The following ROR1 variants were observed in gnomAD, a reference collection of about 807,000 sequenced individuals.
ROR1 encodes ROR family WNT receptor 1, also known as inactive tyrosine-protein kinase transmembrane receptor ROR1.
Under a neutral mutation model 78.8 loss-of-function variants are expected in ROR1, and 19 were observed. The observed-to-expected ratio is 0.24, with a 90% CI of 0.17 to 0.35. The LOEUF is 0.35. ROR1 is among the 10% of genes least tolerant of loss of function. The pLI is 1.00. For synonymous variants in ROR1, 386 were observed against 433.6 expected (o/e 0.89, Z 1.36); for missense variants, 917 against 1,177.8 (o/e 0.78, Z 3.24).
intron 1 of ROR1, among the ~76,000 whole-genome samples, chr1:63,856,507 C>T (rs1217684214): frequency 6.6e-6 from 1 of 152,148 alleles, no homozygotes; most frequent in Non-Finnish European, 1.5e-5. Context: ...CTCTGTGGCT[C>T]TTTCTGCAGC....
intron 1 of ROR1, chr1:63,843,227 GC>G: frequency 4.7e-6 from 7 of 1,504,742 alleles, no homozygotes; most frequent in African/African-American, 1.4e-5. Flanking sequence ...TGACCGCACT[GC>G]CCCCCAGCTT....
chr1:63,993,749 A>G (rs1646314754), intron 1 of ROR1, among the ~76,000 whole-genome samples: 1 of 152,096 alleles, frequency 6.6e-6, no homozygotes, highest in Non-Finnish European at 1.5e-5. Flanking sequence ...TTGGATAGCC[A>G]TAATTTATTT....
chr1:64,020,419 A>G (rs1209271191), intron 2 of ROR1, among the ~76,000 whole-genome samples: 1 of 152,242 alleles, frequency 6.6e-6, no homozygotes, highest in Non-Finnish European at 1.5e-5. Flanking sequence ...AGATACAAAA[A>G]TGAAAAAGGC....
chr1:63,838,153 T>C (rs1183795837), intron 1 of ROR1, among the ~76,000 whole-genome samples: 1 of 152,184 alleles, frequency 6.6e-6, no homozygotes, highest in Non-Finnish European at 1.5e-5. Flanking sequence ...TTTGTGATAA[T>C]AGTAAGTATA....
chr1:63,850,382 A>G (rs1557526693), intron 1 of ROR1, among the ~76,000 whole-genome samples: 1 of 152,262 alleles, frequency 6.6e-6, no homozygotes, highest in Non-Finnish European at 1.5e-5. Flanking sequence ...TTTCTAGGCC[A>G]AATACCTAGG....
chr1:64,177,882 A>G lies in ROR1; in HGVS notation c.1841A>G (p.Lys614Arg). 1.9e-6 allele frequency: 3 copies of G among 1,614,212 alleles called. No homozygotes were observed. Among genetic ancestry groups the G allele is most frequent in the South Asian group, 1.1e-5 (1 of 91,084 alleles). Residue 614 changes from lysine to arginine, a missense_variant, in exon 9 of 9, where the codon AAG (lysine) becomes AGG (arginine). Physicochemically the swap from Lys to Arg is conservative, Grantham distance 26. Around this residue, in one of 3 missense-constraint regions of ROR1, gnomAD observed 835 missense variants for 1,069.8 expected, o/e 0.78. Coordinates refer to ENST00000371079, the MANE Select transcript of ROR1 (RefSeq NM_005012.4). ...EYLSSHFFVH[K>R]DLAARNILIG... ...CTGTCTAGTCACTTCTTTGTCCACAAGGACCTTGCAGCTCGCAATATTTTA... is the reference window on the plus strand; with the variant it reads ...CTGTCTAGTCACTTCTTTGTCCACAGGGACCTTGCAGCTCGCAATATTTTA...
intron 4 of ROR1, among the ~76,000 whole-genome samples, chr1:64,135,109 A>T (rs985975967): frequency 2.6e-5 from 4 of 152,034 alleles, no homozygotes; most frequent in Non-Finnish European, 5.9e-5. Flanking sequence ...GTTCTTTTTT[A>T]AAAAATCTGT....
At chr1:64,029,098 T>G (rs1646639492) in intron 2 of ROR1, 1 of 152,156 alleles carries the variant, frequency 6.6e-6, no homozygotes, top group African/African-American at 2.4e-5. Context: ...TTATCGTATA[T>G]TTATATTAAT....
intron 1 of ROR1, among the ~76,000 whole-genome samples, chr1:63,844,326 G>C (rs138608362): frequency 6.6e-6 from 1 of 152,200 alleles, no homozygotes; most frequent in Non-Finnish European, 1.5e-5. Flanking sequence ...TTCTTGCAAT[G>C]TCCTCCAAAC....
chr1:64,059,044 G>A (rs1334254863), intron 4 of ROR1, among the ~76,000 whole-genome samples: 1 of 152,024 alleles, frequency 6.6e-6, no homozygotes, highest in Non-Finnish European at 1.5e-5. Flanking sequence ...TCTTGAGTCA[G>A]TTTTGGTAGT....
At chr1:64,003,467 T>C (rs1328804878) in intron 1 of ROR1, among the ~76,000 whole-genome samples, 1 of 152,194 alleles carries the variant, frequency 6.6e-6, no homozygotes, top group South Asian at 2.1e-4. Context: ...AGAGATTGCA[T>C]CAGAAATCCA....
At chr1:63,791,197 A>C (rs1644723951) in intron 1 of ROR1, among the ~76,000 whole-genome samples, 1 of 152,152 alleles carries the variant, frequency 6.6e-6, no homozygotes, top group African/African-American at 2.4e-5. Context: ...CTAGGACCTC[A>C]AAGTCTGGCC....
chr1:64,016,632 A>G (rs1646522524), intron 2 of ROR1, among the ~76,000 whole-genome samples: 1 of 151,680 alleles, frequency 6.6e-6, no homozygotes, highest in Non-Finnish European at 1.5e-5. Context: ...CAGCTTTAAA[A>G]TTCTAGGAAC....
chr1:64,167,784 CAGTCAACTAGCT>C (rs1259604777), intron 8 of ROR1, among the ~76,000 whole-genome samples: 1 of 152,204 alleles, frequency 6.6e-6, no homozygotes, highest in Non-Finnish European at 1.5e-5. Flanking sequence ...TCATCTATCC[CAGTCAACTAGCT>C]AGCAGAGACA....
rs930338312 is a variant in ROR1, at chr1:64,027,977, C to T, written c.163+18601C>T. Among the ~76,000 whole-genome samples, 15 of 152,148 alleles carry T rather than the reference C, an allele frequency of 9.9e-5. 1 individual carries two copies. The highest frequency in any genetic ancestry group is 5.8e-4 in the East Asian group (3 of 5,184). On this transcript the variant is annotated intron_variant, in intron 2 of 8. Coordinates refer to ENST00000371079, the MANE Select transcript of ROR1 (RefSeq NM_005012.4). Reference sequence around the variant, plus strand: ...CTGGGATTACAGGTGTGAGCCACTGCGCCTGGCCTTAATTTAGTTCCTATC... The same window carrying T: ...CTGGGATTACAGGTGTGAGCCACTGTGCCTGGCCTTAATTTAGTTCCTATC...
chr1:63,830,129 T>G (rs879684812), intron 1 of ROR1, among the ~76,000 whole-genome samples: 1 of 152,168 alleles, frequency 6.6e-6, no homozygotes, highest in Non-Finnish European at 1.5e-5. Context: ...TTTACGCCAC[T>G]GTGGGGCAGA....
At chr1:63,877,792 G>T (rs934671290) in intron 1 of ROR1, among the ~76,000 whole-genome samples, 7 of 152,016 alleles carry the variant, frequency 4.6e-5, no homozygotes, top group Admixed American at 2.0e-4. Context: ...AGACATTTTG[G>T]GGGGGAAACA....
At chr1:63,989,849 A>T (rs1055256733) in intron 1 of ROR1, among the ~76,000 whole-genome samples, 5 of 152,220 alleles carry the variant, frequency 3.3e-5, no homozygotes, top group African/African-American at 1.2e-4. Context: ...GAAAGAACAG[A>T]TGCATGGATA....
chr1:63,868,312 A>G (rs1438054197), intron 1 of ROR1, among the ~76,000 whole-genome samples: 2 of 152,162 alleles, frequency 1.3e-5, no homozygotes, highest in Non-Finnish European at 2.9e-5. Context: ...GATTACTTAA[A>G]GCATCAATGA....
Sources: allele counts gnomAD v4.1 joint callset (sites outside exome capture counted in the v4.1 genomes callset), GRCh38; gene constraint gnomAD v4.1.1; regional missense constraint gnomAD v4.1.1; transcripts MANE v1.5; gene names NCBI Gene and HGNC (gene_info 2026-07-23, HGNC 2026-07-21).